The following WDSUB1 variants were observed in gnomAD, a reference collection of about 807,000 sequenced individuals.
WDSUB1 encodes the protein WD repeat, SAM and U-box domain-containing protein 1.
WDSUB1 carries 49 observed loss-of-function variants against 53.9 expected under a neutral mutation model. That is an observed-to-expected ratio of 0.91 (90% CI 0.72 to 1.15). WDSUB1 has a LOEUF of 1.15. Among genes scored for constraint, WDSUB1 ranks in the 50% most tolerant of loss-of-function variants. WDSUB1 has a pLI of 0.00. For synonymous variants in WDSUB1, 194 were observed against 200.6 expected (o/e 0.97, Z 0.28); for missense variants, 514 against 562.0 (o/e 0.91, Z 0.86).
At position 159,275,539 on chromosome 2, in the gene WDSUB1, T is replaced by C. The variant is rs755505853; in HGVS notation, c.676+7A>G. The C allele has an allele frequency of 4.7e-5, 75 of 1,585,448 alleles. No homozygotes were observed. Among genetic ancestry groups the C allele is most frequent in the Non-Finnish European group, 6.4e-5 (75 of 1,171,018 alleles). On this transcript the variant is annotated splice_region_variant and intron_variant, in intron 4 of 10. Coordinates refer to ENST00000359774, the MANE Select transcript of WDSUB1 (RefSeq NM_001128212.3). ...AATTTTAGAGAAGCACTATTTGGCATACATACCTAAGATATGGGTAAAAGA... is the reference window on the plus strand; with the variant it reads ...AATTTTAGAGAAGCACTATTTGGCACACATACCTAAGATATGGGTAAAAGA...
rs560305731 is a variant in WDSUB1, at chr2:159,243,595, A to G, written c.1273+4777T>C. On this transcript the variant is annotated intron_variant, in intron 10 of 10. Coordinates refer to ENST00000359774, the MANE Select transcript of WDSUB1 (RefSeq NM_001128212.3). Reference sequence around the variant, plus strand: ...CTTATAACAGCATCAATTAAAAATAATAAAATTTAAAAATAAATGTGTGGT... The same window carrying G: ...CTTATAACAGCATCAATTAAAAATAGTAAAATTTAAAAATAAATGTGTGGT... Among the ~76,000 whole-genome samples the G allele has an allele frequency of 8.7e-5, 13 of 150,074 alleles. 1 individual carries two copies. Among genetic ancestry groups the G allele is most frequent in the Admixed American group, 2.6e-4 (4 of 15,246 alleles).
chr2:159,261,086 A>T (rs1205213529), intron 5 of WDSUB1, among the ~76,000 whole-genome samples: 2 of 152,262 alleles, frequency 1.3e-5, no homozygotes, highest in Non-Finnish European at 2.9e-5. Context: ...CCATATCCAC[A>T]GGTTTCCTAT....
chr2:159,256,597 C>CAAAAAAAAAAAAAAA (rs35877234), intron 8 of WDSUB1, among the ~76,000 whole-genome samples: 1 of 135,118 alleles, frequency 7.4e-6, no homozygotes. Context: ...AGACCAGTCT[C>CAAAAAAAAAAAAAAA]AAAAAAAAAA....
At chr2:159,251,256 ACT>A (rs1216752972) in intron 9 of WDSUB1, among the ~76,000 whole-genome samples, 1 of 151,658 alleles carries the variant, frequency 6.6e-6, no homozygotes, top group African/African-American at 2.4e-5. Flanking sequence ...ACAGAGTGAG[ACT>A]CTGTCTCAAA....
At chr2:159,271,846 G>C in intron 4 of WDSUB1, 51 bp from the exon 5 acceptor site, 1 of 1,433,518 alleles carries the variant, frequency 7.0e-7, no homozygotes, top group Non-Finnish European at 9.7e-7. Context: ...GCTTAGAATT[G>C]ATTTTTAAGT....
chr2:159,266,220 G>A (rs764658670), intron 5 of WDSUB1, among the ~76,000 whole-genome samples: 11 of 151,758 alleles, frequency 7.2e-5, no homozygotes, highest in African/African-American at 2.2e-4. Context: ...ACAGAGTCTT[G>A]CTCTGTCGCC....
chr2:159,249,911 CA>C (rs370000755), intron 9 of WDSUB1, among the ~76,000 whole-genome samples: 94 of 130,972 alleles, frequency 7.2e-4, no homozygotes, highest in African/African-American at 9.3e-4. Flanking sequence ...ATTAAAAATA[CA>C]AAAAAAAAAA....
intron 2 of WDSUB1, among the ~76,000 whole-genome samples, 193 bp downstream of exon 2, chr2:159,282,479 A>G (rs2061686989): frequency 6.6e-6 from 1 of 152,240 alleles, no homozygotes. Context: ...CGCGTGAGCC[A>G]CAGCACCTGG....
At chr2:159,261,890 A>T (rs1378905880) in intron 5 of WDSUB1, among the ~76,000 whole-genome samples, 5 of 13,662 alleles carry the variant, frequency 3.7e-4, no homozygotes, top group African/African-American at 8.6e-4. Flanking sequence ...ATATATATAT[A>T]TATATATTTT....
rs564842016 is a variant in WDSUB1, at chr2:159,252,863, A to C, written c.1132+3333T>G. On this transcript the variant is annotated intron_variant, in intron 9 of 10. Coordinates refer to ENST00000359774, the MANE Select transcript of WDSUB1 (RefSeq NM_001128212.3). ...TCTTGGAAAGAAGAGCAAATGGAAG[A>C]GTGAACCCTTTGAAAAAAATCTCGT... 2.0e-5 allele frequency among the ~76,000 whole-genome samples: 3 copies of C among 152,350 alleles called. No individual in the cohort carries two copies. In the East Asian group the frequency reaches 5.8e-4, roughly 29 times the overall value.
chr2:159,283,419 A>T (rs2061720454), intron 1 of WDSUB1, among the ~76,000 whole-genome samples: 3 of 152,154 alleles, frequency 2.0e-5, no homozygotes, highest in African/African-American at 7.2e-5. Flanking sequence ...CCCAGCTACA[A>T]AAATTAGCTG....
At chr2:159,263,625 G>C (rs1043067963) in intron 5 of WDSUB1, among the ~76,000 whole-genome samples, 8 of 152,148 alleles carry the variant, frequency 5.3e-5, no homozygotes, top group Non-Finnish European at 1.2e-4. Context: ...CTCAGACTGA[G>C]ACCTGACAGG....
At chr2:159,271,826 A>G in intron 4 of WDSUB1, 31 bp from the exon 5 acceptor site, 11 of 1,558,198 alleles carry the variant, frequency 7.1e-6, no homozygotes, top group African/African-American at 1.4e-5. Flanking sequence ...GAGATTAGAA[A>G]GCTGACCATG....
intron 6 of WDSUB1, 50 bp from the exon 7 acceptor site, chr2:159,258,035 T>C: frequency 1.9e-6 from 3 of 1,545,022 alleles, no homozygotes; most frequent in East Asian, 2.2e-5. Context: ...AGAGTAAAGT[T>C]ACTGATGAAG....
chr2:159,265,309 A>G (rs2061319371), intron 5 of WDSUB1, among the ~76,000 whole-genome samples: 2 of 151,336 alleles, frequency 1.3e-5, no homozygotes, highest in Non-Finnish European at 1.5e-5. Context: ...ACACACACAC[A>G]CACACACACT....
chr2:159,248,341 C>A, intron 10 of WDSUB1, 31 bp downstream of exon 10: 1 of 1,600,358 alleles, frequency 6.2e-7, no homozygotes, highest in Non-Finnish European at 8.5e-7. Context: ...CACAAAACAT[C>A]CCCTGCAACT....
intron 10 of WDSUB1, among the ~76,000 whole-genome samples, chr2:159,247,892 T>TATATATATATAA (rs2060839363): frequency 9.5e-4 from 27 of 28,324 alleles, no homozygotes; most frequent in South Asian, 8.1e-3. Context: ...AATAAATATA[T>TATATATATATAA]ATATATATAT....
chr2:159,248,267 C>G (rs1413625897), intron 10 of WDSUB1, 105 bp downstream of exon 10: 49 of 1,361,814 alleles, frequency 3.6e-5, no homozygotes, highest in Non-Finnish European at 4.9e-5. Context: ...TAAGAAAAAA[C>G]TACTTAAAAT....
Position 159,256,307 on chromosome 2 carries a change from GCCATGTTGAGACATCCT to G in WDSUB1, c.1004_1020del (p.Glu335AlafsTer17). ...AGATCTTTTAAATCTTGTGCACAAA[GCCATGTTGAGACATCCT>G]CCTCTGACCAATCTTCGGTAAATTG... On this transcript the variant is annotated frameshift_variant, in exon 9 of 11. Transcript: ENST00000359774. LOFTEE classifies it high-confidence loss of function. The G allele has an allele frequency of 6.2e-7, 1 of 1,612,360 alleles. No individual in the cohort carries two copies. Among genetic ancestry groups the G allele is most frequent in the Non-Finnish European group, 8.5e-7 (1 of 1,179,470 alleles).
Sources: allele counts gnomAD v4.1 joint callset (sites outside exome capture counted in the v4.1 genomes callset), GRCh38; gene constraint gnomAD v4.1.1; transcripts MANE v1.5; gene names NCBI Gene and HGNC (gene_info 2026-07-23, HGNC 2026-07-21).